SGSH: variants seen among roughly 807,000 people sequenced by gnomAD.
SGSH encodes the protein N-sulfoglucosamine sulfohydrolase.
SGSH carries 48 observed loss-of-function variants against 51.0 expected under a neutral mutation model. The observed-to-expected ratio is 0.94, with a 90% CI of 0.75 to 1.20. The LOEUF (loss-of-function observed/expected upper bound fraction) is 1.20. Ranked by LOEUF, SGSH falls within the 50% of genes most tolerant of loss-of-function variation. The probability of loss-of-function intolerance (pLI) is 0.00; values close to 1 mark genes in which losing one functional copy is unlikely to be tolerated. For synonymous variants in SGSH, 321 were observed against 313.4 expected, an observed-to-expected ratio of 1.02 and a Z score of -0.26; for missense variants, 662 against 717.8, an observed-to-expected ratio of 0.92 and a Z score of 0.89.
At chr17:80,208,278 G>T, downstream of SGSH, 2 of 1,599,236 alleles carry the variant, frequency 1.3e-6, no homozygotes, top group Non-Finnish European at 1.7e-6. Flanking sequence ...GGCCTGCTCA[G>T]CTGTGTCCGC....
At position 80,210,931 on chromosome 17, in the gene SGSH, T is replaced by C. The variant is rs769651235; in HGVS notation, c.1030A>G (p.Thr344Ala). ...AGCGCCGGCAGGAGGGACCGGCCAG[T>C]GAGGTGGATGGTCTTCGAGCCAAAG... is the stretch of plus-strand genomic sequence containing the variant. ...AIFGSKTIHL[T>A]GRSLLPALEA... Residue 344 changes from threonine (T) to alanine (A), a missense_variant, in exon 8 of 8, where the codon ACT (threonine) becomes GCT (alanine). By Grantham distance (58) the Thr-to-Ala change is moderately conservative. Transcript: ENST00000326317. 1.9e-6 allele frequency: 3 copies of C among 1,607,282 alleles called. No individual in the cohort carries two copies. The highest frequency in any genetic ancestry group is 1.3e-5 in the African/African-American group (1 of 74,862).
In SGSH at chr17:80,214,674, C is replaced by T; in HGVS notation, c.447G>A (p.Gly149=). The T allele has an allele frequency of 6.2e-7, 1 of 1,613,408 alleles. No individual in the cohort carries two copies. The highest frequency in any genetic ancestry group is 8.5e-7 in the Non-Finnish European group (1 of 1,179,970). ...GCAGCTTAATTCTAGTGATGTTCCG[C>T]CCCACCTGGAGGACGGAGCCATTCT... ...TEENGSVLQV[G]RNITRIKLLV... Residue 149 remains glycine, a synonymous_variant, in exon 4 of 8, where the codon GGG becomes GGA. Transcript: ENST00000326317.
chr17:80,205,713 G>C, downstream of SGSH: 6 of 1,470,276 alleles, frequency 4.1e-6, no homozygotes, highest in Non-Finnish European at 5.4e-6. Flanking sequence ...GGAATGCAGA[G>C]GAGGGGGATG....
intron 1 of SGSH, among the ~76,000 whole-genome samples, chr17:80,218,997 A>G (rs998531662): frequency 2.0e-5 from 3 of 151,806 alleles, no homozygotes; most frequent in Non-Finnish European, 4.4e-5. Flanking sequence ...TTGTCTCTAC[A>G]AAAAATACAA....
At chr17:80,214,929 C>T in intron 3 of SGSH, 104 bp downstream of exon 3, 1 of 1,291,976 alleles carries the variant, frequency 7.7e-7, no homozygotes, top group Non-Finnish European at 1.1e-6. Context: ...TAAGGGCAGG[C>T]CACGGGGGCT....
Position 80,220,307 on chromosome 17 carries a change from A to T in SGSH, c.7T>A (p.Cys3Ser), listed in dbSNP as rs931913239. 1.3e-6 allele frequency: 2 copies of T among 1,494,548 alleles called. No individual in the cohort carries two copies. Among genetic ancestry groups the T allele is most frequent in the African/African-American group, 2.9e-5 (2 of 68,790 alleles). The allele number at this position is 1,494,548 out of a possible 1,614,324, so 92.6% of individuals were successfully genotyped here. MS[C>S]PVPACCALLL... ...AGCGCGCAGCAGGCGGGCACGGGGC[A>T]GCTCATGGCGGCGGCGGCTCGGACT... The change falls in exon 1 of 8, where the codon TGC (cysteine) becomes AGC (serine). Residue 3 changes from cysteine to serine, a missense_variant. Cys to Ser is a moderately radical substitution (Grantham distance 112). Coordinates refer to ENST00000326317, the MANE Select transcript of SGSH (RefSeq NM_000199.5).
chr17:80,214,548 C>A, intron 4 of SGSH, 67 bp downstream of exon 4: 1 of 1,536,232 alleles, frequency 6.5e-7, no homozygotes, highest in Non-Finnish European at 8.9e-7. Context: ...TGCATCCCGC[C>A]GGAAGACTCC....
At position 80,213,728 on chromosome 17, in the gene SGSH, A is replaced by T; in HGVS notation, c.745+76T>A. Reference sequence around the variant, plus strand: ...GGACCCTCACCCACATTATGCCGTGACCTAAGAGGGCGCTGGCCCAGGATG... The same window carrying T: ...GGACCCTCACCCACATTATGCCGTGTCCTAAGAGGGCGCTGGCCCAGGATG... On this transcript the variant is annotated intron_variant, in intron 6 of 7. Transcript: ENST00000326317. The surrounding 1 kb of genome is among the most constrained non-coding windows in gnomAD (Gnocchi z 4.6). The T allele has an allele frequency of 7.9e-7, 1 of 1,268,636 alleles. No individual in the cohort carries two copies. The highest frequency in any genetic ancestry group is 2.4e-5 in the East Asian group (1 of 41,164). The allele number at this position is 1,268,636 out of a possible 1,614,324, so 78.6% of individuals were successfully genotyped here. A position where few individuals can be genotyped will look rare whatever the true frequency, so the allele number is the denominator to read the frequency against.
rs370291256 is a variant in SGSH at position 80,213,851 on chromosome 17, C to T, written c.698G>A (p.Arg233Gln). ...PYFVPNTPAA[R>Q]ADLAAQYTTV... ...GGTGTACTGAGCGGCCAGGTCGGCT[C>T]GGGCTGCCGGGGTGTTGGGGACGAA... Residue 233 changes from arginine to glutamine, a missense_variant, in exon 6 of 8, where the codon CGA (arginine) becomes CAA (glutamine). Coordinates refer to ENST00000326317, the MANE Select transcript of SGSH (RefSeq NM_000199.5). This position sits in a 1 kb window ranked among gnomAD's most constrained non-coding sequence, Gnocchi z 4.6. The T allele has an allele frequency of 4.1e-5, 66 of 1,608,550 alleles. No individual in the cohort carries two copies. The highest frequency in any genetic ancestry group is 1.7e-4 in the Middle Eastern group (1 of 6,054).
At chr17:80,215,983 C>T (rs909229643) in intron 2 of SGSH, among the ~76,000 whole-genome samples, 4 of 151,966 alleles carry the variant, frequency 2.6e-5, no homozygotes, top group African/African-American at 7.3e-5. Flanking sequence ...AGTTCTGACT[C>T]GTGCTACAGC....
In SGSH at chr17:80,209,893, T is replaced by C; in HGVS notation, c.*559A>G. 3.0e-6 allele frequency: 3 copies of C among 991,316 alleles called. No homozygotes were observed. The highest frequency in any genetic ancestry group is 9.2e-5 in the South Asian group (2 of 21,750). 61.4% of individuals were successfully genotyped at this position (991,316 alleles called of 1,614,324 possible). A position where few individuals can be genotyped will look rare whatever the true frequency, so the allele number is the denominator to read the frequency against. On this transcript the variant is annotated 3_prime_UTR_variant, in exon 8 of 8. Coordinates refer to ENST00000326317, the MANE Select transcript of SGSH (RefSeq NM_000199.5). ...GGGCAAAACAGAAGAAGCAGAAACC[T>C]GCCCAAAGGTCGCTCAAAGGCTTCC...
downstream of SGSH, chr17:80,209,020 T>G (rs1283654054): frequency 2.0e-5 from 3 of 152,188 alleles, no homozygotes; most frequent in Non-Finnish European, 2.9e-5. Context: ...TCGGTGGGGG[T>G]GTCCCAGAGA....
downstream of SGSH, chr17:80,208,292 G>A (rs865867083): frequency 3.1e-6 from 5 of 1,603,354 alleles, no homozygotes; most frequent in Non-Finnish European, 4.3e-6. Context: ...TGTCCGCCAG[G>A]CCATCGCCGA....
chr17:80,212,056 CAG>C lies in SGSH; in HGVS notation c.949+13_949+14del. ...ACTCCCACACCTTTCCTGACGGAGACAGACAAAGGCATACCTAGGAGGCTCAC... is the reference window on the plus strand; with the variant it reads ...ACTCCCACACCTTTCCTGACGGAGACACAAAGGCATACCTAGGAGGCTCAC... On this transcript the variant is annotated intron_variant, in intron 7 of 7. Transcript: ENST00000326317. The surrounding 1 kb of genome is among the most constrained non-coding windows in gnomAD (Gnocchi z 5.9). The C allele has an allele frequency of 6.2e-7, 1 of 1,611,020 alleles. No individual in the cohort carries two copies. The highest frequency in any genetic ancestry group is 2.2e-5 in the East Asian group (1 of 44,866).
chr17:80,216,914 G>T, intron 2 of SGSH, 118 bp downstream of exon 2: 1 of 1,002,472 alleles, frequency 1.0e-6, no homozygotes, highest in Non-Finnish European at 1.5e-6. Context: ...GGAGGTGGGA[G>T]GGAAAGTGGG....
downstream of SGSH, chr17:80,202,140 TATCTGTGGCTC>T (rs750861960): frequency 2.1e-4 from 331 of 1,548,954 alleles, 1 homozygote; most frequent in East Asian, 2.1e-3. Flanking sequence ...CAGAGGCTCG[TATCTGTGGCTC>T]ATCTGTGGCT....
At chr17:80,216,853 T>A (rs1277839446) in intron 2 of SGSH, 179 bp downstream of exon 2, 1 of 629,342 alleles carries the variant, frequency 1.6e-6, no homozygotes, top group Non-Finnish European at 2.7e-6. Context: ...GGCTGGCGGG[T>A]GAGTCGGAGC....
chr17:80,201,822 A>G (rs752554508), downstream of SGSH: 1 of 1,614,036 alleles, frequency 6.2e-7, no homozygotes, highest in Non-Finnish European at 8.5e-7. This position sits in a 1 kb window ranked among gnomAD's most constrained non-coding sequence, Gnocchi z 5.0. Context: ...GGGGCTTCTC[A>G]GGAGGGTGGA....
chr17:80,208,597 A>G, downstream of SGSH: 4 of 423,812 alleles, frequency 9.4e-6, no homozygotes, highest in Non-Finnish European at 1.7e-5. Context: ...TGAACTGGAA[A>G]CCCTGAGAAT....
Sources: allele counts gnomAD v4.1 joint callset (sites outside exome capture counted in the v4.1 genomes callset), GRCh38; gene constraint gnomAD v4.1.1; non-coding constraint Gnocchi (gnomAD v3.1); transcripts MANE v1.5; gene names NCBI Gene and HGNC (gene_info 2026-07-23, HGNC 2026-07-21).